The following TTC27 variants were observed in gnomAD, a reference collection of about 807,000 sequenced individuals.
TTC27 encodes the protein tetratricopeptide repeat domain 27, also known as tetratricopeptide repeat protein 27.
In TTC27, 79 loss-of-function variants were observed where a neutral mutation model predicts 115.9. That is an observed-to-expected ratio of 0.68 (90% CI 0.57 to 0.82). TTC27 has a LOEUF of 0.82. Among genes scored for constraint, TTC27 ranks in the 40% least tolerant of loss-of-function variants. TTC27 has a pLI of 0.00. For synonymous variants in TTC27, 401 were observed against 356.0 expected (o/e 1.13, Z -1.42); for missense variants, 1,054 against 993.1 (o/e 1.06, Z -0.82).
At chr2:32,770,529 A>G (rs566801805) in intron 13 of TTC27, among the ~76,000 whole-genome samples, 1 of 152,308 alleles carries the variant, frequency 6.6e-6, no homozygotes, top group Admixed American at 6.5e-5. Flanking sequence ...AACTTTTTTC[A>G]TCCTTTAATG....
chr2:32,654,918 A>G (rs57084040), intron 5 of TTC27, among the ~76,000 whole-genome samples: 2,044 of 149,912 alleles, frequency 0.014, 39 homozygotes, highest in African/African-American at 0.048. Flanking sequence ...CTGGTGTCCA[A>G]CTCCTGACCT....
At chr2:32,628,496 C>T in intron 1 of TTC27, 116 bp downstream of exon 1, 1 of 1,081,950 alleles carries the variant, frequency 9.2e-7, no homozygotes, top group Non-Finnish European at 1.3e-6. Context: ...TAGCTGATTC[C>T]TTGAGGCTTT....
At position 32,754,691 on chromosome 2, in the gene TTC27, G is replaced by T. The variant is rs571768116; in HGVS notation, c.1453-3601G>T. On this transcript the variant is annotated intron_variant, in intron 12 of 19. Coordinates refer to ENST00000317907, the MANE Select transcript of TTC27 (RefSeq NM_017735.5). ...TCCCAGACGGGGTCGTGGCCGGGCA[G>T]AGGGGCTCCTCACTTCCCAGTAGGG... Among the ~76,000 whole-genome samples, 22 of 151,746 alleles carry T rather than the reference G, an allele frequency of 1.4e-4. No individual in the cohort carries two copies. In the South Asian group the frequency reaches 4.4e-3, roughly 30 times the overall value.
At chr2:32,667,146 TTC>T (rs1665811135) in intron 7 of TTC27, among the ~76,000 whole-genome samples, 1 of 152,202 alleles carries the variant, frequency 6.6e-6, no homozygotes, top group Admixed American at 6.5e-5. Context: ...TATGTTTGTC[TTC>T]TCTTGGAATC....
chr2:32,752,374 T>G (rs1669050456), intron 12 of TTC27, among the ~76,000 whole-genome samples: 1 of 152,234 alleles, frequency 6.6e-6, no homozygotes, highest in Admixed American at 6.5e-5. Context: ...TTCCTGTACA[T>G]TACACAAAGG....
intron 13 of TTC27, among the ~76,000 whole-genome samples, chr2:32,771,520 T>G (rs1669829396): frequency 6.6e-6 from 1 of 152,210 alleles, no homozygotes; most frequent in South Asian, 2.1e-4. Flanking sequence ...ATTCAGTAAT[T>G]AATAACCTCT....
chr2:32,754,805 G>A (rs1318828364), intron 12 of TTC27, among the ~76,000 whole-genome samples: 15 of 132,494 alleles, frequency 1.1e-4, no homozygotes, highest in African/African-American at 4.1e-4. Flanking sequence ...CGGACGGGGC[G>A]GCTGGCTGGG....
intron 16 of TTC27, among the ~76,000 whole-genome samples, chr2:32,807,189 C>G (rs1299746988): frequency 6.6e-6 from 1 of 152,052 alleles, no homozygotes; most frequent in African/African-American, 2.4e-5. Flanking sequence ...CTTTGCCAAT[C>G]TTTAGATGTA....
rs146549368 is a variant in TTC27 at position 32,723,707 on chromosome 2, C to T, written c.1234-10121C>T. Among the ~76,000 whole-genome samples the T allele has an allele frequency of 3.3e-3, 227 of 67,976 alleles. 18 individuals carry two copies. Among genetic ancestry groups the T allele is most frequent in the African/African-American group, 0.013 (188 of 14,712 alleles). The allele number at this position is 67,976 out of a possible 152,430, so 44.6% of individuals were successfully genotyped here. On this transcript the variant is annotated intron_variant, in intron 10 of 19. Transcript: ENST00000317907. ...GACTCAGCTCCTTCCTCCCTCCCTC[C>T]CTCCCTCCCTCCCTCCCTCCCTCCT...
At chr2:32,728,920 G>C (rs1359028373) in intron 10 of TTC27, among the ~76,000 whole-genome samples, 1 of 152,126 alleles carries the variant, frequency 6.6e-6, no homozygotes, top group East Asian at 1.9e-4. Context: ...ATTGACTGCA[G>C]ACTCCTGTTA....
intron 12 of TTC27, among the ~76,000 whole-genome samples, chr2:32,748,426 TAAATG>T (rs1668900404): frequency 6.6e-6 from 1 of 152,238 alleles, no homozygotes; most frequent in Non-Finnish European, 1.5e-5. Flanking sequence ...GAGTGTTCTT[TAAATG>T]TCTGTTAGGT....
At chr2:32,667,631 G>C (rs1665836387) in intron 7 of TTC27, among the ~76,000 whole-genome samples, 1 of 151,114 alleles carries the variant, frequency 6.6e-6, no homozygotes, top group Non-Finnish European at 1.5e-5. Context: ...GGTCAGGCTG[G>C]TCTCGAACTC....
chr2:32,758,670 T>C (rs1044815377), intron 13 of TTC27, 151 bp downstream of exon 13: 2 of 676,186 alleles, frequency 3.0e-6, no homozygotes, highest in Non-Finnish European at 4.8e-6. Flanking sequence ...TTTTTGCTTG[T>C]TGCAAACTTG....
chr2:32,669,606 C>T (rs143845853), intron 7 of TTC27, among the ~76,000 whole-genome samples: 149 of 151,910 alleles, frequency 9.8e-4, no homozygotes, highest in African/African-American at 3.5e-3. Flanking sequence ...ACAACATGGC[C>T]CGGTGTGGTG....
rs145719817 is a variant in TTC27, at chr2:32,656,292, A to C, written c.640+6059A>C. 4.5e-3 allele frequency among the ~76,000 whole-genome samples: 689 copies of C among 152,276 alleles called. 5 individuals are homozygous for C. Among genetic ancestry groups the C allele is most frequent in the Non-Finnish European group, 6.7e-3 (454 of 68,010 alleles). The stretch of plus-strand genomic sequence containing the variant: ...CAGGTAGGACAAACAGGTAATGCAG[A>C]GTAAGGAATGAGGGAGAGAATGTGA... On this transcript the variant is annotated intron_variant, in intron 5 of 19. Transcript: ENST00000317907.
chr2:32,709,913 A>G (rs1667517635), intron 10 of TTC27, among the ~76,000 whole-genome samples: 1 of 152,222 alleles, frequency 6.6e-6, no homozygotes, highest in African/African-American at 2.4e-5. Flanking sequence ...AAATGTTGAA[A>G]TGGCTAAAAT....
At chr2:32,634,200 A>C (rs750777895) in intron 3 of TTC27, among the ~76,000 whole-genome samples, 195 bp downstream of exon 3, 2 of 152,164 alleles carry the variant, frequency 1.3e-5, no homozygotes, top group Non-Finnish European at 2.9e-5. Context: ...CTCTTCATAC[A>C]CACTCCATTT....
chr2:32,787,291 A>G, intron 16 of TTC27, 142 bp downstream of exon 16: 1 of 882,436 alleles, frequency 1.1e-6, no homozygotes, highest in African/African-American at 1.7e-5. Flanking sequence ...TTTCTAGTCA[A>G]ATATTCTTCA....
chr2:32,639,901 A>C (rs969812871), intron 3 of TTC27, among the ~76,000 whole-genome samples: 3 of 152,184 alleles, frequency 2.0e-5, no homozygotes, highest in Admixed American at 1.3e-4. Context: ...CTATTCGCCC[A>C]GGCAGGAGGA....
Sources: gnomAD v4.1 joint callset for allele counts (sites outside exome capture counted in the v4.1 genomes callset) on GRCh38, gnomAD v4.1.1 for gene constraint, MANE v1.5 for transcripts, NCBI Gene and HGNC (gene_info 2026-07-23, HGNC 2026-07-21) for gene names.